Variants in ROBO2 observed in about 807,000 individuals in gnomAD.
ROBO2 encodes the protein roundabout homolog 2.
A neutral mutation model predicts 160.8 loss-of-function variants in ROBO2; 53 were observed. The ratio of observed to expected loss-of-function variants is 0.33; its 90% CI spans 0.26 to 0.41. The LOEUF (loss-of-function observed/expected upper bound fraction) is 0.41. Among genes scored for constraint, ROBO2 ranks in the 10% least tolerant of loss-of-function variants. ROBO2 has a pLI of 1.00. For synonymous variants in ROBO2, 664 were observed against 611.7 expected (o/e 1.09, Z -1.26); for missense variants, 1,577 against 1,722.4 (o/e 0.92, Z 1.49).
chr3:76,256,398 C>CT (rs534657437), intron 2 of ROBO2, among the ~76,000 whole-genome samples: 220 of 147,302 alleles, frequency 1.5e-3, no homozygotes, highest in African/African-American at 5.2e-3. Context: ...GTTGAGTTCT[C>CT]TAAGATTAAA....
chr3:76,364,328 T>C (rs188907572), intron 2 of ROBO2, among the ~76,000 whole-genome samples: 3 of 152,230 alleles, frequency 2.0e-5, no homozygotes, highest in Non-Finnish European at 2.9e-5. Flanking sequence ...TTTTCAGCAT[T>C]TGTTGCAATC....
rs17140519 is a variant in ROBO2 at position 76,229,872 on chromosome 3, A to G, written c.109+292270A>G. 8.9e-3 allele frequency among the ~76,000 whole-genome samples: 1,352 copies of G among 152,270 alleles called. 15 individuals carry two copies. Among genetic ancestry groups the G allele is most frequent in the African/African-American group, 0.028 (1,161 of 41,546 alleles). On this transcript the variant is annotated intron_variant, in intron 2 of 26. Coordinates refer to the ROBO2 transcript ENST00000487694. ...ACTTTAGCTCATGAAAATGAATGTAATGGATTCTCTGAGAGCAAGAAGAAA... is the reference window on the plus strand; with the variant it reads ...ACTTTAGCTCATGAAAATGAATGTAGTGGATTCTCTGAGAGCAAGAAGAAA...
At chr3:77,646,727 G>A (rs952580239) in exon 26 of ROBO2, 1 of 152,204 alleles carries the variant, frequency 6.6e-6, no homozygotes, top group African/African-American at 2.4e-5. Flanking sequence ...TAGTAGAAAG[G>A]TGGCTTTTAC....
At chr3:76,214,290 C>T (rs1441910747) in intron 2 of ROBO2, among the ~76,000 whole-genome samples, 1 of 152,168 alleles carries the variant, frequency 6.6e-6, no homozygotes, top group Admixed American at 6.5e-5. Flanking sequence ...GTTCATGTCC[C>T]CTCCAAAATT....
intron 2 of ROBO2, among the ~76,000 whole-genome samples, chr3:76,283,310 A>G (rs1708343108): frequency 6.6e-6 from 1 of 151,086 alleles, no homozygotes; most frequent in Non-Finnish European, 1.5e-5. Context: ...TTACCCACCT[A>G]TTTAAAGTTT....
At chr3:76,024,889 ACT>A (rs1201818910) in intron 2 of ROBO2, among the ~76,000 whole-genome samples, 1 of 151,068 alleles carries the variant, frequency 6.6e-6, no homozygotes. Context: ...GCAGTGACAA[ACT>A]CACCTTTCTG....
intron 2 of ROBO2, among the ~76,000 whole-genome samples, chr3:76,016,928 A>T (rs1348459740): frequency 6.6e-6 from 1 of 152,182 alleles, no homozygotes; most frequent in Admixed American, 6.6e-5. Flanking sequence ...TAAATGAGGC[A>T]TAGGATAGCA....
chr3:77,379,536 T>C (rs931962917), intron 2 of ROBO2, among the ~76,000 whole-genome samples: 6 of 152,176 alleles, frequency 3.9e-5, no homozygotes, highest in Non-Finnish European at 7.3e-5. Flanking sequence ...GAATTAGAGC[T>C]CTATAACTTG....
At position 77,445,113 on chromosome 3, in the gene ROBO2, G is replaced by C. The variant is rs148823033; in HGVS notation, c.389-32301G>C. 2.9e-3 allele frequency among the ~76,000 whole-genome samples: 448 copies of C among 152,220 alleles called. 3 individuals are homozygous for C. Among genetic ancestry groups the C allele is most frequent in the African/African-American group, 0.01 (433 of 41,552 alleles). ...ATACATTTTTTGTCTTCTGCAGATA[G>C]AGCCTTTTTAGGGACTTAGATAGTT... On this transcript the variant is annotated intron_variant, in intron 2 of 25. Transcript: ENST00000461745.
chr3:77,000,626 A>T (rs2061289495), intron 2 of ROBO2, among the ~76,000 whole-genome samples: 1 of 152,150 alleles, frequency 6.6e-6, no homozygotes, highest in Admixed American at 6.6e-5. Context: ...AAAATCCCTG[A>T]AGACAGAGAT....
intron 17 of ROBO2, among the ~76,000 whole-genome samples, chr3:77,593,386 G>A (rs184750789): frequency 1.6e-3 from 246 of 152,134 alleles, no homozygotes; most frequent in South Asian, 2.1e-3. Flanking sequence ...GTTATTAAAC[G>A]GGCACAATGT....
chr3:76,161,470 G>C (rs1325781916), intron 2 of ROBO2, among the ~76,000 whole-genome samples: 2 of 152,076 alleles, frequency 1.3e-5, no homozygotes, highest in Non-Finnish European at 2.9e-5. Context: ...ATCTGAATGT[G>C]AGCTAAAATA....
At chr3:77,487,101 A>C (rs1298153582) in intron 4 of ROBO2, among the ~76,000 whole-genome samples, 1 of 152,130 alleles carries the variant, frequency 6.6e-6, no homozygotes, top group African/African-American at 2.4e-5. Context: ...TGATACCATG[A>C]GAGTAGTTGA....
intron 2 of ROBO2, among the ~76,000 whole-genome samples, chr3:76,531,495 C>A (rs1359313978): frequency 7.0e-6 from 1 of 142,988 alleles, no homozygotes; most frequent in Non-Finnish European, 1.6e-5. Flanking sequence ...TTTTAATTAA[C>A]TTATGATTTT....
chr3:76,275,050 GC>G (rs1707839253), intron 2 of ROBO2, among the ~76,000 whole-genome samples: 1 of 151,956 alleles, frequency 6.6e-6, no homozygotes, highest in Non-Finnish European at 1.5e-5. Context: ...ATAAATAACT[GC>G]CCCAACTCAC....
At chr3:77,257,614 C>T (rs2058506069) in intron 2 of ROBO2, among the ~76,000 whole-genome samples, 1 of 152,174 alleles carries the variant, frequency 6.6e-6, no homozygotes, top group South Asian at 2.1e-4. Flanking sequence ...AAGGGCAGTG[C>T]AGTCTGTATG....
chr3:76,994,072 C>A (rs570083397), intron 2 of ROBO2, among the ~76,000 whole-genome samples: 128 of 138,034 alleles, frequency 9.3e-4, no homozygotes, highest in African/African-American at 3.4e-3. Context: ...AGAAAAAAAA[C>A]AAAGATGTGC....
At chr3:75,950,665 T>C (rs1021076066) in intron 2 of ROBO2, among the ~76,000 whole-genome samples, 1 of 152,084 alleles carries the variant, frequency 6.6e-6, no homozygotes, top group African/African-American at 2.4e-5. Context: ...TTGATTCCAG[T>C]TGGGGTTCAC....
At chr3:76,899,343 A>T (rs552443005) in intron 2 of ROBO2, among the ~76,000 whole-genome samples, 1 of 152,262 alleles carries the variant, frequency 6.6e-6, no homozygotes, top group African/African-American at 2.4e-5. Flanking sequence ...TGTGATGGTT[A>T]TTAAGTAAAT....
Sources: gnomAD v4.1 joint callset for allele counts (sites outside exome capture counted in the v4.1 genomes callset) on GRCh38, gnomAD v4.1.1 for gene constraint, MANE v1.5 for transcripts, NCBI Gene and HGNC (gene_info 2026-07-23, HGNC 2026-07-21) for gene names.